Variants in SEPTIN11 observed in about 807,000 individuals in gnomAD.
The protein encoded by SEPTIN11 is septin 11.
Under a neutral mutation model 51.4 loss-of-function variants are expected in SEPTIN11, and 25 were observed. The observed-to-expected ratio is 0.49, with a 90% CI of 0.35 to 0.68. The LOEUF (loss-of-function observed/expected upper bound fraction) is 0.68. Among genes scored for constraint, SEPTIN11 ranks in the 30% least tolerant of loss-of-function variants. The probability of loss-of-function intolerance (pLI) is 0.00; values close to 1 mark genes in which losing one functional copy is unlikely to be tolerated. For synonymous variants in SEPTIN11, 174 were observed against 184.1 expected (o/e 0.95, Z 0.44); for missense variants, 381 against 520.8 (o/e 0.73, Z 2.61).
intron 2 of SEPTIN11, among the ~76,000 whole-genome samples, chr4:77,002,950 C>G (rs1019841481): frequency 7.2e-5 from 11 of 152,190 alleles, no homozygotes; most frequent in Non-Finnish European, 1.2e-4. Context: ...ACAGTGAGCG[C>G]CCAAGCATTA....
At chr4:76,979,146 A>C (rs1187202144) in intron 1 of SEPTIN11, among the ~76,000 whole-genome samples, 1 of 152,244 alleles carries the variant, frequency 6.6e-6, no homozygotes, top group African/African-American at 2.4e-5. Context: ...AAGTAAGATG[A>C]ATAAGACAGG....
intron 4 of SEPTIN11, 68 bp from the exon 5 acceptor site, chr4:77,014,786 CTA>C: frequency 1.4e-6 from 2 of 1,478,198 alleles, no homozygotes; most frequent in South Asian, 1.2e-5. Flanking sequence ...TATTTGTTTG[CTA>C]TGTTTTATTC....
intron 5 of SEPTIN11, among the ~76,000 whole-genome samples, chr4:77,018,330 T>A (rs1725451097): frequency 6.6e-6 from 1 of 151,848 alleles, no homozygotes; most frequent in Non-Finnish European, 1.5e-5. Context: ...GTGCCTGTAG[T>A]CCCAGCTATT....
At chr4:76,995,746 T>A (rs1385453329) in intron 1 of SEPTIN11, 1 of 1,437,286 alleles carries the variant, frequency 7.0e-7, no homozygotes, top group Non-Finnish European at 9.1e-7. Context: ...ATATCCTATG[T>A]GATTTTAAAA....
At chr4:76,956,454 C>T (rs914677767) in intron 1 of SEPTIN11, among the ~76,000 whole-genome samples, 2 of 152,188 alleles carry the variant, frequency 1.3e-5, no homozygotes, top group Non-Finnish European at 2.9e-5. Context: ...AATTATGTTG[C>T]GGTAACAAAT....
At chr4:76,969,659 C>G (rs1360579001) in intron 1 of SEPTIN11, among the ~76,000 whole-genome samples, 12 of 152,168 alleles carry the variant, frequency 7.9e-5, no homozygotes, top group Non-Finnish European at 1.6e-4. Context: ...AGGGTAAACT[C>G]TACCGACTTC....
At chr4:76,966,699 G>GA (rs1401465090) in intron 1 of SEPTIN11, among the ~76,000 whole-genome samples, 5 of 151,190 alleles carry the variant, frequency 3.3e-5, no homozygotes, top group Admixed American at 2.6e-4. Flanking sequence ...CCATTTCTCA[G>GA]AAAAAATACA....
chr4:77,013,604 AATG>A (rs1011025996), intron 4 of SEPTIN11, among the ~76,000 whole-genome samples: 1 of 152,160 alleles, frequency 6.6e-6, no homozygotes, highest in African/African-American at 2.4e-5. Context: ...CCCCACCATC[AATG>A]ATGTTTTTCT....
At chr4:76,995,805 C>T in intron 1 of SEPTIN11, 1 of 1,530,926 alleles carries the variant, frequency 6.5e-7, no homozygotes, top group Non-Finnish European at 8.7e-7. Context: ...CTCTGCAAAA[C>T]TCCAGCAGTT....
intron 3 of SEPTIN11, chr4:77,009,694 CAG>C (rs1417221223): frequency 6.6e-6 from 1 of 152,188 alleles, no homozygotes; most frequent in Non-Finnish European, 1.5e-5. Context: ...TAATAGAAAA[CAG>C]AACCATATTT....
intron 8 of SEPTIN11, among the ~76,000 whole-genome samples, chr4:77,030,092 C>T (rs1207629811): frequency 1.3e-5 from 2 of 152,026 alleles, no homozygotes; most frequent in Non-Finnish European, 2.9e-5. Context: ...CCCGTCTCTA[C>T]TAAAGATACA....
chr4:76,983,042 A>G (rs1722844988), intron 1 of SEPTIN11, among the ~76,000 whole-genome samples: 2 of 152,054 alleles, frequency 1.3e-5, no homozygotes, highest in South Asian at 4.2e-4. Context: ...GAAATAATGT[A>G]TACTTTGGTA....
At position 77,036,822 on chromosome 4, in the gene SEPTIN11, G is replaced by T; in HGVS notation, c.*2310G>T. Reference sequence around the variant, plus strand: ...GATACCCTCAAATCTAATTGGATGTGCTTTCGCCTTTGCATGTAAGTACGG... The same window carrying T: ...GATACCCTCAAATCTAATTGGATGTTCTTTCGCCTTTGCATGTAAGTACGG... On this transcript the variant is annotated 3_prime_UTR_variant, in exon 10 of 10. Coordinates refer to ENST00000264893, the MANE Select transcript of SEPTIN11 (RefSeq NM_018243.4). The T allele has an allele frequency of 6.6e-7, 1 of 1,523,868 alleles. No individual in the cohort carries two copies. The highest frequency in any genetic ancestry group is 1.2e-5 in the South Asian group (1 of 81,264). 94.4% of individuals were successfully genotyped at this position (1,523,868 alleles called of 1,614,324 possible). A position where few individuals can be genotyped will look rare whatever the true frequency, so the allele number is the denominator to read the frequency against.
Position 77,030,989 on chromosome 4 carries a change from C to T in SEPTIN11, c.1274+19C>T, listed in dbSNP as rs756677015. The T allele has an allele frequency of 3.8e-6, 6 of 1,586,816 alleles. No homozygotes were observed. The Admixed American group carries it at 5.9e-5, about 16-fold the overall frequency. On this transcript the variant is annotated intron_variant, in intron 9 of 9. Transcript: ENST00000264893. ...AGAAAAAGTAAGCAGGTGTCACCCC[C>T]CTGTATCGGGGACCTCTAACAATTT...
chr4:76,949,843 A>G lies in SEPTIN11; in HGVS notation c.-61A>G. ...GGAGGCGAGCCGGAGCCCGAGCACT[A>G]GCAGCAGCCGGAGTCGGCGTAAAGC... On this transcript the variant is annotated 5_prime_UTR_variant, in exon 1 of 10. An upstream open reading frame in the 5' UTR loses its in-frame stop. Coordinates refer to ENST00000264893, the MANE Select transcript of SEPTIN11 (RefSeq NM_018243.4). 1 of 1,497,756 alleles carries G rather than the reference A, an allele frequency of 6.7e-7. No homozygotes were observed. Among genetic ancestry groups the G allele is most frequent in the Non-Finnish European group, 8.9e-7 (1 of 1,124,482 alleles). 92.8% of individuals were successfully genotyped at this position (1,497,756 alleles called of 1,614,324 possible). A position where few individuals can be genotyped will look rare whatever the true frequency, so the allele number is the denominator to read the frequency against.
chr4:76,960,501 A>G (rs571357128), intron 1 of SEPTIN11, among the ~76,000 whole-genome samples: 273 of 152,316 alleles, frequency 1.8e-3, no homozygotes, highest in Non-Finnish European at 2.1e-3. Context: ...TGCTGCCACT[A>G]GCTGCTGCTC....
At chr4:77,030,222 C>G (rs1362908614) in intron 8 of SEPTIN11, among the ~76,000 whole-genome samples, 2 of 151,766 alleles carry the variant, frequency 1.3e-5, no homozygotes, top group African/African-American at 4.8e-5. Context: ...TGTCACTACT[C>G]TCCAGCCTGG....
intron 7 of SEPTIN11, among the ~76,000 whole-genome samples, chr4:77,025,797 T>C (rs1274408739): frequency 6.6e-6 from 1 of 152,160 alleles, no homozygotes; most frequent in East Asian, 1.9e-4. Flanking sequence ...TCCTGATCAT[T>C]GTTTCCAATG....
chr4:77,035,231 TC>T lies in SEPTIN11; in HGVS notation c.*721del. ...TTCACATTTACTGGTGCATCCTTGA[TC>T]CTCTCACAGATAGAGGTCTTAAAGG... On this transcript the variant is annotated 3_prime_UTR_variant, in exon 10 of 10. Coordinates refer to ENST00000264893, the MANE Select transcript of SEPTIN11 (RefSeq NM_018243.4). 1 of 985,402 alleles carries T rather than the reference TC, an allele frequency of 1.0e-6. No homozygotes were observed. The highest frequency in any genetic ancestry group is 1.2e-6 in the Non-Finnish European group (1 of 829,928). The allele number at this position is 985,402 out of a possible 1,614,324, so 61.0% of individuals were successfully genotyped here.
Sources: allele counts gnomAD v4.1 joint callset (sites outside exome capture counted in the v4.1 genomes callset), GRCh38; gene constraint gnomAD v4.1.1; transcripts MANE v1.5; gene names NCBI Gene and HGNC (gene_info 2026-07-23, HGNC 2026-07-21).